CSMD2: variants seen among roughly 807,000 people sequenced by gnomAD.
CSMD2 encodes the protein CUB and sushi domain-containing protein 2.
In CSMD2, 130 loss-of-function variants were observed where a neutral mutation model predicts 398.5. That is an observed-to-expected ratio of 0.33 (90% CI 0.28 to 0.38). CSMD2 has a LOEUF of 0.38. Ranked by LOEUF, CSMD2 falls within the 10% of genes least tolerant of loss-of-function variation. The probability of loss-of-function intolerance (pLI) is 1.00; values close to 1 mark genes in which losing one functional copy is unlikely to be tolerated. For synonymous variants in CSMD2, 1,828 were observed against 1,908.5 expected (o/e 0.96, Z 1.10); for missense variants, 3,829 against 4,764.9 (o/e 0.80, Z 5.78).
At chr1:33,864,839 T>C in intron 5 of CSMD2, 3 of 1,148,110 alleles carry the variant, frequency 2.6e-6, no homozygotes, top group South Asian at 1.6e-5. Context: ...CTGTGACTGA[T>C]GCTTTGTGGA....
chr1:33,647,926 T>C (rs1391632512), intron 28 of CSMD2, among the ~76,000 whole-genome samples: 2 of 152,218 alleles, frequency 1.3e-5, no homozygotes, highest in Non-Finnish European at 2.9e-5. Context: ...ATAGGACCAA[T>C]GATTAATAGC....
At chr1:33,583,240 A>G (rs1337990409) in intron 47 of CSMD2, among the ~76,000 whole-genome samples, 1 of 152,252 alleles carries the variant, frequency 6.6e-6, no homozygotes, top group Non-Finnish European at 1.5e-5. Context: ...ATGCTGAGAC[A>G]TGCCCTCCAA....
intron 48 of CSMD2, among the ~76,000 whole-genome samples, chr1:33,578,294 C>A (rs1638438119): frequency 6.6e-6 from 1 of 152,098 alleles, no homozygotes; most frequent in Admixed American, 6.6e-5. Flanking sequence ...GAAAACAGAC[C>A]AAAACCCTGG....
chr1:33,673,495 T>C (rs910939482), intron 25 of CSMD2, among the ~76,000 whole-genome samples: 5 of 152,192 alleles, frequency 3.3e-5, no homozygotes, highest in African/African-American at 1.2e-4. Context: ...TCGGTGTACC[T>C]GAAAGTGACG....
chr1:34,031,520 A>G (rs895759696), intron 3 of CSMD2, among the ~76,000 whole-genome samples: 128 of 152,234 alleles, frequency 8.4e-4, no homozygotes, highest in African/African-American at 2.9e-3. Flanking sequence ...GAGCCTTCTC[A>G]GCAACCTTTA....
intron 9 of CSMD2, chr1:33,813,160 T>C (rs1176568875): frequency 1.3e-5 from 2 of 152,156 alleles, no homozygotes. Flanking sequence ...AATTAGATGG[T>C]ATATTTGCAG....
chr1:33,830,052 G>A (rs1393164890), intron 6 of CSMD2, among the ~76,000 whole-genome samples: 13 of 152,244 alleles, frequency 8.5e-5, no homozygotes, highest in Non-Finnish European at 1.8e-4. Flanking sequence ...AGGCCTGCCT[G>A]CCTCTGTAGG....
At chr1:33,891,240 A>G (rs1641994812) in intron 5 of CSMD2, among the ~76,000 whole-genome samples, 2 of 151,714 alleles carry the variant, frequency 1.3e-5, no homozygotes. Context: ...TGGGCGAAGG[A>G]CATGAACAGA....
intron 3 of CSMD2, among the ~76,000 whole-genome samples, chr1:34,026,385 T>A (rs1188178098): frequency 6.6e-6 from 1 of 152,118 alleles, no homozygotes; most frequent in African/African-American, 2.4e-5. Context: ...AGATCATTAG[T>A]GGAATAGAAC....
intron 4 of CSMD2, among the ~76,000 whole-genome samples, chr1:33,929,202 C>T (rs1644229118): frequency 6.6e-6 from 1 of 152,088 alleles, no homozygotes; most frequent in African/African-American, 2.4e-5. Flanking sequence ...CCCCAAAGCA[C>T]AGCCCCAATC....
intron 2 of CSMD2, among the ~76,000 whole-genome samples, chr1:34,037,070 TTCTG>T (rs1316505783): frequency 6.6e-6 from 1 of 152,198 alleles, no homozygotes; most frequent in Non-Finnish European, 1.5e-5. Flanking sequence ...AAGACCATGC[TTCTG>T]TCTGTGAATT....
At chr1:33,707,493 A>G (rs1645826022) in intron 22 of CSMD2, among the ~76,000 whole-genome samples, 1 of 152,150 alleles carries the variant, frequency 6.6e-6, no homozygotes, top group South Asian at 2.1e-4. Flanking sequence ...CTTGTCTTGT[A>G]TTCTCTTGTT....
chr1:33,994,920 T>G (rs1646677968), intron 3 of CSMD2, among the ~76,000 whole-genome samples: 1 of 151,948 alleles, frequency 6.6e-6, no homozygotes, highest in African/African-American at 2.4e-5. Context: ...AAAAATTAGC[T>G]GGGTGTGGTG....
At chr1:33,971,645 A>G (rs967313134) in intron 3 of CSMD2, among the ~76,000 whole-genome samples, 2 of 152,292 alleles carry the variant, frequency 1.3e-5, no homozygotes, top group South Asian at 4.1e-4. Flanking sequence ...CAAGCAGCTG[A>G]TTACTTCTTT....
Position 33,515,852 on chromosome 1 carries a change from C to G in CSMD2, c.*772G>C, listed in dbSNP as rs1166316198. The stretch of plus-strand genomic sequence containing the variant: ...GACTCCTGCCCTATCCTCCCCGGCT[C>G]TCCCTTCTTTCCCAGTGCTTCCCAG... On this transcript the variant is annotated 3_prime_UTR_variant, in exon 71 of 71. Coordinates refer to ENST00000373381, the MANE Select transcript of CSMD2 (RefSeq NM_001281956.2). The G allele has an allele frequency of 1.3e-5, 2 of 152,312 alleles. No individual in the cohort carries two copies. Among genetic ancestry groups the G allele is most frequent in the African/African-American group, 4.8e-5 (2 of 41,456 alleles). 9.4% of individuals were successfully genotyped at this position (152,312 alleles called of 1,614,324 possible). A position where few individuals can be genotyped will look rare whatever the true frequency, so the allele number is the denominator to read the frequency against.
intron 3 of CSMD2, among the ~76,000 whole-genome samples, chr1:33,949,291 C>T (rs1319917108): frequency 6.6e-6 from 1 of 152,124 alleles, no homozygotes; most frequent in East Asian, 1.9e-4. Context: ...GATGCCAGGG[C>T]AGTGTGGGAG....
intron 1 of CSMD2, among the ~76,000 whole-genome samples, chr1:34,160,179 T>G (rs1404797565): frequency 1.3e-5 from 2 of 152,178 alleles, no homozygotes; most frequent in Non-Finnish European, 2.9e-5. Flanking sequence ...ACCCTGCAAT[T>G]TGGTCCTCCA....
intron 22 of CSMD2, among the ~76,000 whole-genome samples, chr1:33,704,730 T>C (rs1181734781): frequency 6.6e-6 from 1 of 152,212 alleles, no homozygotes; most frequent in African/African-American, 2.4e-5. Flanking sequence ...CATCCTCACA[T>C]TCCTGGAATC....
chr1:33,914,999 C>A (rs781099593), intron 5 of CSMD2, among the ~76,000 whole-genome samples: 2 of 152,178 alleles, frequency 1.3e-5, no homozygotes, highest in African/African-American at 2.4e-5. Context: ...GTTGCTATCC[C>A]GTTTAGGGGG....
Sources: gnomAD v4.1 joint callset for allele counts (sites outside exome capture counted in the v4.1 genomes callset) on GRCh38, gnomAD v4.1.1 for gene constraint, MANE v1.5 for transcripts, NCBI Gene and HGNC (gene_info 2026-07-23, HGNC 2026-07-21) for gene names.